The following CCSER1 variants were observed in gnomAD, a reference collection of about 807,000 sequenced individuals.
CCSER1 encodes the protein coiled-coil serine rich protein 1.
A neutral mutation model predicts 82.0 loss-of-function variants in CCSER1; 41 were observed. The ratio of observed to expected loss-of-function variants is 0.50; its 90% CI spans 0.39 to 0.65. The LOEUF is 0.65. Among genes scored for constraint, CCSER1 ranks in the 30% least tolerant of loss-of-function variants. CCSER1 has a pLI of 0.00. For missense variants in CCSER1, 1,119 were observed against 1,064.2 expected (o/e 1.05, Z -0.72); for synonymous variants, 414 against 383.9 (o/e 1.08, Z -0.92).
At chr4:91,506,994 T>G (rs1759529890) in intron 10 of CCSER1, among the ~76,000 whole-genome samples, 1 of 152,188 alleles carries the variant, frequency 6.6e-6, no homozygotes, top group Non-Finnish European at 1.5e-5. Context: ...ATAATAAAAA[T>G]CAATTGTATG....
chr4:91,339,989 C>G (rs537897529), intron 10 of CCSER1, among the ~76,000 whole-genome samples: 1 of 152,020 alleles, frequency 6.6e-6, no homozygotes, highest in Admixed American at 6.6e-5. Context: ...TGGTGGCACG[C>G]ACCTGTAATC....
At position 90,530,331 on chromosome 4, in the gene CCSER1, C is replaced by T. The variant is rs143322737; in HGVS notation, c.1724+61977C>T. 2.0e-4 allele frequency among the ~76,000 whole-genome samples: 30 copies of T among 152,234 alleles called. No individual in the cohort carries two copies. The East Asian group carries it at 3.5e-3, about 18-fold the overall frequency. On this transcript the variant is annotated intron_variant, in intron 5 of 10. Transcript: ENST00000509176. The stretch of plus-strand genomic sequence containing the variant: ...TGTCAATGAAACTGATATTGGTGGG[C>T]AAGGGGAGGCCAGTGGGACCTCTAC...
chr4:90,626,167 A>G (rs907768479), intron 5 of CCSER1, among the ~76,000 whole-genome samples: 1 of 152,216 alleles, frequency 6.6e-6, no homozygotes, highest in African/African-American at 2.4e-5. Flanking sequence ...TATGAGTTGT[A>G]TGCGTCGATG....
intron 6 of CCSER1, among the ~76,000 whole-genome samples, chr4:90,700,067 C>G (rs7657884): frequency 0.23 from 34,257 of 151,544 alleles, 4,873 homozygotes; most frequent in African/African-American, 0.4. Context: ...ATACATGTGC[C>G]ATGTTGGTGT....
chr4:91,355,931 T>A, intron 10 of CCSER1, among the ~76,000 whole-genome samples: 1 of 152,352 alleles, frequency 6.6e-6, no homozygotes, highest in African/African-American at 2.4e-5. Flanking sequence ...TGTTGCAAAC[T>A]TCAATGGTTA....
chr4:90,439,432 T>C (rs10031484), intron 4 of CCSER1, among the ~76,000 whole-genome samples: 1,584 of 152,328 alleles, frequency 0.01, 21 homozygotes, highest in African/African-American at 0.036. Context: ...AAATACTATT[T>C]TTAGTAACTA....
intron 10 of CCSER1, among the ~76,000 whole-genome samples, chr4:91,253,710 T>A (rs955697452): frequency 6.6e-6 from 1 of 152,194 alleles, no homozygotes; most frequent in East Asian, 1.9e-4. Context: ...GTTTCATTGC[T>A]ATAAAGAAAT....
rs533192474 is a variant in CCSER1, at chr4:91,585,102, C to CAACTT, written c.2218-13468_2218-13464dup. Among the ~76,000 whole-genome samples the CAACTT allele has an allele frequency of 1.6e-4, 24 of 151,604 alleles. No homozygotes were observed. In the South Asian group the frequency reaches 4.6e-3, roughly 29 times the overall value. On this transcript the variant is annotated intron_variant, in intron 10 of 10. Coordinates refer to ENST00000509176, the MANE Select transcript of CCSER1 (RefSeq NM_001145065.2). ...CAGCCAAAAACTTAAACAATGTAGA[C>CAACTT]AACTTACATACACAAAATTTTCTTG... is the stretch of plus-strand genomic sequence containing the variant.
chr4:91,327,155 C>G (rs917566458), intron 10 of CCSER1, among the ~76,000 whole-genome samples: 10 of 152,142 alleles, frequency 6.6e-5, no homozygotes, highest in Non-Finnish European at 2.9e-5. Flanking sequence ...TGTGGGGGCT[C>G]GAACCCCACA....
chr4:90,273,304 C>G (rs1022122794), intron 1 of CCSER1, among the ~76,000 whole-genome samples: 3 of 151,648 alleles, frequency 2.0e-5, no homozygotes, highest in African/African-American at 7.3e-5. Context: ...ATTTGACAGG[C>G]TAACAGGGTC....
intron 6 of CCSER1, among the ~76,000 whole-genome samples, chr4:90,702,271 C>T (rs765981443): frequency 2.0e-5 from 3 of 151,956 alleles, no homozygotes; most frequent in Non-Finnish European, 4.4e-5. Context: ...TGCTGGATTA[C>T]GTTTATTGGT....
At chr4:90,479,215 A>C (rs1272799806) in intron 5 of CCSER1, among the ~76,000 whole-genome samples, 1 of 152,106 alleles carries the variant, frequency 6.6e-6, no homozygotes, top group African/African-American at 2.4e-5. Context: ...ACATAATATA[A>C]AGGAAGAATA....
At chr4:91,331,256 C>T (rs554265394) in intron 10 of CCSER1, among the ~76,000 whole-genome samples, 1 of 152,216 alleles carries the variant, frequency 6.6e-6, no homozygotes, top group East Asian at 1.9e-4. Context: ...ATATCCTTGT[C>T]AGATATATTT....
At chr4:90,851,110 G>A (rs765063938) in intron 8 of CCSER1, among the ~76,000 whole-genome samples, 75 of 152,134 alleles carry the variant, frequency 4.9e-4, no homozygotes, top group Middle Eastern at 3.2e-3. Flanking sequence ...CTTCCACCAC[G>A]ATTGTTAAGT....
chr4:90,994,754 C>T (rs1022877653), intron 9 of CCSER1, among the ~76,000 whole-genome samples: 7 of 152,058 alleles, frequency 4.6e-5, no homozygotes, highest in Admixed American at 1.3e-4. Flanking sequence ...TATTTATTGC[C>T]GAAGTTGTTA....
At chr4:91,480,098 T>G (rs552873650) in intron 10 of CCSER1, among the ~76,000 whole-genome samples, 84 of 150,700 alleles carry the variant, frequency 5.6e-4, no homozygotes, top group African/African-American at 2.0e-3. Flanking sequence ...CTGCATAGTA[T>G]TCCATGGTGT....
intron 10 of CCSER1, among the ~76,000 whole-genome samples, chr4:91,293,251 C>T (rs1035588924): frequency 4.0e-5 from 6 of 151,898 alleles, no homozygotes; most frequent in Admixed American, 6.6e-5. Flanking sequence ...TTTAGAATCA[C>T]GTGTACATAT....
chr4:91,303,207 C>T (rs1442502410), intron 10 of CCSER1, among the ~76,000 whole-genome samples: 1 of 151,952 alleles, frequency 6.6e-6, no homozygotes, highest in Non-Finnish European at 1.5e-5. Flanking sequence ...TAGGGACTTT[C>T]AAAATGCCTA....
chr4:90,967,572 C>A (rs561373937), intron 9 of CCSER1, among the ~76,000 whole-genome samples: 3 of 151,952 alleles, frequency 2.0e-5, no homozygotes, highest in Admixed American at 2.0e-4. Flanking sequence ...GATTATAGAC[C>A]TAAATGTAAT....
Sources: allele counts gnomAD v4.1 joint callset (sites outside exome capture counted in the v4.1 genomes callset), GRCh38; gene constraint gnomAD v4.1.1; transcripts MANE v1.5; gene names NCBI Gene and HGNC (gene_info 2026-07-23, HGNC 2026-07-21).